Variants in POT1 observed in about 807,000 individuals in gnomAD.
POT1 encodes the protein protection of telomeres protein 1.
In POT1, 47 loss-of-function variants were observed where a neutral mutation model predicts 78.5. The ratio of observed to expected loss-of-function variants is 0.60; its 90% CI spans 0.47 to 0.76. The LOEUF (loss-of-function observed/expected upper bound fraction) is 0.76, where lower values mean the gene tolerates loss of function less well. Ranked by LOEUF, POT1 falls within the 30% of genes least tolerant of loss-of-function variation. The pLI, the probability that POT1 is intolerant of heterozygous loss-of-function variation, is 0.00. For missense variants in POT1, 646 were observed against 749.9 expected, an observed-to-expected ratio of 0.86 and a Z score of 1.62; for synonymous variants, 259 against 260.7, an observed-to-expected ratio of 0.99 and a Z score of 0.06.
chr7:124,889,215 T>G (rs1190535401), intron 6 of POT1, among the ~76,000 whole-genome samples: 1 of 152,030 alleles, frequency 6.6e-6, no homozygotes, highest in Non-Finnish European at 1.5e-5. Flanking sequence ...CAGAAAATTT[T>G]AGTCGTCTGC....
At chr7:124,847,828 A>G (rs1456321861) in intron 11 of POT1, among the ~76,000 whole-genome samples, 1 of 152,218 alleles carries the variant, frequency 6.6e-6, no homozygotes, top group Non-Finnish European at 1.5e-5. Flanking sequence ...AATAACTGAA[A>G]ATTTAGTGTG....
chr7:124,861,454 T>A (rs540981806), intron 8 of POT1, among the ~76,000 whole-genome samples: 23 of 152,172 alleles, frequency 1.5e-4, no homozygotes, highest in Non-Finnish European at 2.8e-4. Context: ...ATGGGGTTGT[T>A]TTTTCTTGTA....
intron 15 of POT1, among the ~76,000 whole-genome samples, chr7:124,831,342 AG>A (rs1157754549): frequency 6.6e-6 from 1 of 152,192 alleles, no homozygotes; most frequent in African/African-American, 2.4e-5. Flanking sequence ...ACACCTTAGG[AG>A]TAACTTTCAA....
intron 6 of POT1, among the ~76,000 whole-genome samples, chr7:124,890,233 A>C (rs939898793): frequency 6.6e-6 from 1 of 151,920 alleles, no homozygotes; most frequent in Non-Finnish European, 1.5e-5. Context: ...AACAGTAAGA[A>C]AACTAGAATT....
intron 6 of POT1, among the ~76,000 whole-genome samples, chr7:124,872,376 T>C (rs6967556): frequency 0.013 from 2,047 of 152,302 alleles, 50 homozygotes; most frequent in African/African-American, 0.047. Context: ...CAGTTTCAGT[T>C]TCCTGCAGTC....
chr7:124,871,065 CCTGA>C (rs1224347643), intron 6 of POT1, 24 bp from the exon 7 acceptor site: 2 of 1,544,610 alleles, frequency 1.3e-6, no homozygotes, highest in South Asian at 2.5e-5. Context: ...AAATATTTTA[CCTGA>C]CTTTCAATAT....
intron 3 of POT1, among the ~76,000 whole-genome samples, chr7:124,905,419 G>T (rs550875263): frequency 4.9e-4 from 74 of 152,258 alleles, no homozygotes; most frequent in Middle Eastern, 3.4e-3. Flanking sequence ...GGGAAAACTG[G>T]CTAGCCATGT....
intron 3 of POT1, among the ~76,000 whole-genome samples, chr7:124,903,714 C>CA (rs1391487689): frequency 5.3e-5 from 8 of 152,090 alleles, no homozygotes; most frequent in Non-Finnish European, 8.8e-5. Flanking sequence ...AAAAACCCTT[C>CA]AAAAAATCAA....
intron 3 of POT1, among the ~76,000 whole-genome samples, chr7:124,902,128 C>T (rs1378333928): frequency 6.6e-6 from 1 of 152,108 alleles, no homozygotes; most frequent in Non-Finnish European, 1.5e-5. Context: ...GAGAACTTCT[C>T]CAATCCAGCA....
chr7:124,852,934 G>A (rs773563328), intron 10 of POT1, 38 bp downstream of exon 10: 13 of 1,568,222 alleles, frequency 8.3e-6, no homozygotes, highest in African/African-American at 2.7e-5. Flanking sequence ...CGGCTTAATC[G>A]ATACCTTATT....
At chr7:124,863,733 T>C in intron 7 of POT1, 93 bp from the exon 8 acceptor site, 3 of 1,043,774 alleles carry the variant, frequency 2.9e-6, no homozygotes, top group Non-Finnish European at 4.2e-6. Flanking sequence ...AGATTATCAA[T>C]TTTGCCAGCA....
At chr7:124,825,979 C>A (rs1395081554) in intron 17 of POT1, among the ~76,000 whole-genome samples, 1 of 152,108 alleles carries the variant, frequency 6.6e-6, no homozygotes, top group Non-Finnish European at 1.5e-5. Flanking sequence ...GCTTGTGGAA[C>A]GTAATCTCTA....
intron 2 of POT1, among the ~76,000 whole-genome samples, chr7:124,925,467 A>G (rs1453365665): frequency 6.7e-6 from 1 of 148,624 alleles, no homozygotes; most frequent in Non-Finnish European, 1.5e-5. Flanking sequence ...TAAACAACAT[A>G]AAAAAATGGA....
At chr7:124,884,145 A>C (rs1293119139) in intron 6 of POT1, among the ~76,000 whole-genome samples, 1 of 152,120 alleles carries the variant, frequency 6.6e-6, no homozygotes, top group Admixed American at 6.5e-5. Flanking sequence ...CTACATGTAC[A>C]TGACATGTCC....
In POT1 at chr7:124,870,398, T is replaced by A. The variant is rs187729239; in HGVS notation, c.255+513A>T. Reference sequence around the variant, plus strand: ...ACATTTAGTTATTTAACTACAGGCATAATTTTTAAAGTTCCTGTTCATATC... The same window carrying A: ...ACATTTAGTTATTTAACTACAGGCAAAATTTTTAAAGTTCCTGTTCATATC... On this transcript the variant is annotated intron_variant, in intron 7 of 18. Coordinates refer to ENST00000357628, the MANE Select transcript of POT1 (RefSeq NM_015450.3). Among the ~76,000 whole-genome samples, 126 of 152,246 alleles carry A rather than the reference T, an allele frequency of 8.3e-4. 1 individual carries two copies. The highest frequency in any genetic ancestry group is 2.8e-3 in the African/African-American group (117 of 41,588).
In POT1 at chr7:124,920,789, C is replaced by T. The variant is rs1797130389; in HGVS notation, c.-226-5143G>A. 3.3e-5 allele frequency among the ~76,000 whole-genome samples: 5 copies of T among 152,042 alleles called. No homozygotes were observed. The South Asian group carries it at 1.0e-3, about 32-fold the overall frequency. On this transcript the variant is annotated intron_variant, in intron 2 of 18. Coordinates refer to ENST00000357628, the MANE Select transcript of POT1 (RefSeq NM_015450.3). ...GTGTTCACTTATAGCTAAAAGAATT[C>T]ATTAATAAAAATGTTAAAATTGGAC...
intron 6 of POT1, among the ~76,000 whole-genome samples, chr7:124,875,391 ATAAATAATCAC>A (rs1183560043): frequency 6.6e-6 from 1 of 152,194 alleles, no homozygotes; most frequent in Non-Finnish European, 1.5e-5. Context: ...CAAGAATGAA[ATAAATAATCAC>A]TATTATATCA....
intron 6 of POT1, among the ~76,000 whole-genome samples, chr7:124,881,438 G>A (rs1796116496): frequency 1.3e-5 from 2 of 151,872 alleles, no homozygotes. Context: ...TTCAGGTTAA[G>A]AGAACAAGTG....
intron 15 of POT1, among the ~76,000 whole-genome samples, chr7:124,830,813 A>T (rs75799727): frequency 0.092 from 14,041 of 152,156 alleles, 850 homozygotes; most frequent in South Asian, 0.18. Flanking sequence ...CAAAAATTTT[A>T]AAAAAACCTA....
Sources: allele counts gnomAD v4.1 joint callset (sites outside exome capture counted in the v4.1 genomes callset), GRCh38; gene constraint gnomAD v4.1.1; transcripts MANE v1.5; gene names NCBI Gene and HGNC (gene_info 2026-07-23, HGNC 2026-07-21).